ABCA12: variants seen among roughly 807,000 people sequenced by gnomAD.
ABCA12 encodes the protein glucosylceramide transporter ABCA12.
A neutral mutation model predicts 293.5 loss-of-function variants in ABCA12; 156 were observed. The observed-to-expected ratio is 0.53, with a 90% CI of 0.47 to 0.61. The LOEUF (loss-of-function observed/expected upper bound fraction) is 0.61, where lower values mean the gene tolerates loss of function less well. ABCA12 is among the 20% of genes least tolerant of loss of function. ABCA12 has a pLI of 0.00. For synonymous variants in ABCA12, 1,063 were observed against 1,108.0 expected, an observed-to-expected ratio of 0.96 and a Z score of 0.81; for missense variants, 2,797 against 3,090.2, an observed-to-expected ratio of 0.91 and a Z score of 2.25.
rs78763770 is a variant in ABCA12, at chr2:215,079,497, G to A, written c.164-15278C>T. 4.7e-3 allele frequency among the ~76,000 whole-genome samples: 713 copies of A among 152,304 alleles called. 5 individuals carry two copies. The highest frequency in any genetic ancestry group is 0.017 in the Middle Eastern group (5 of 294). On this transcript the variant is annotated intron_variant, in intron 2 of 52. Transcript: ENST00000272895. ...ATCTGAAAGCTTGAACTGATCTCCA[G>A]TTTTCAAACATCAGAACTGGTATAA...
At chr2:214,981,769 T>G (rs1699662477) in intron 30 of ABCA12, among the ~76,000 whole-genome samples, 1 of 140,658 alleles carries the variant, frequency 7.1e-6, no homozygotes, top group Admixed American at 7.2e-5. Flanking sequence ...TGGTTTTTTT[T>G]TTTTTTTTTT....
rs751873540 is a variant in ABCA12 at position 214,974,792 on chromosome 2, C to T, written c.5454G>A (p.Leu1818=). 1 of 1,614,020 alleles carries T rather than the reference C, an allele frequency of 6.2e-7. No individual in the cohort carries two copies. The highest frequency in any genetic ancestry group is 8.5e-7 in the Non-Finnish European group (1 of 1,179,936). The change falls in exon 35 of 53, where the codon CTG becomes CTA. Residue 1818 remains leucine (L), a synonymous_variant. Transcript: ENST00000272895. Reference sequence around the variant, plus strand: ...GAACCACTTACAGATCACTGGTGTTCAGACACATGTTGTCAATTCCAGGGA... The same window carrying T: ...GAACCACTTACAGATCACTGGTGTTTAGACACATGTTGTCAATTCCAGGGA... ...WDFPGIDNMC[L]NTSDLQCLNK... is the part of the protein sequence containing the mutation.
At chr2:215,050,930 C>T (rs1357884237) in intron 5 of ABCA12, 1 of 494,204 alleles carries the variant, frequency 2.0e-6, no homozygotes, top group African/African-American at 2.1e-5. Context: ...GCTCCAACTA[C>T]TCTAAAAATA....
chr2:214,999,147 A>T (rs1205760056), intron 22 of ABCA12, among the ~76,000 whole-genome samples: 1 of 152,072 alleles, frequency 6.6e-6, no homozygotes, highest in Non-Finnish European at 1.5e-5. Context: ...GGGAAACTGT[A>T]TGGCATGGGG....
chr2:215,015,780 TCAAA>T (rs1700481136), intron 14 of ABCA12, 117 bp from the exon 15 acceptor site: 1 of 870,022 alleles, frequency 1.1e-6, no homozygotes, highest in Non-Finnish European at 1.8e-6. Flanking sequence ...TCCTCAAGAA[TCAAA>T]CAACTTTTCA....
rs755714306 is a variant in ABCA12 at position 214,987,627 on chromosome 2, T to C, written c.3976+20A>G. Reference sequence around the variant, plus strand: ...TCATTTCTCTCATAACAAAGCACGCTGTTGACCGACTTGTCTTACTGGCAG... The same window carrying C: ...TCATTTCTCTCATAACAAAGCACGCCGTTGACCGACTTGTCTTACTGGCAG... On this transcript the variant is annotated intron_variant, in intron 27 of 52. Transcript: ENST00000272895. 2 of 1,607,134 alleles carry C rather than the reference T, an allele frequency of 1.2e-6. No homozygotes were observed.
At chr2:215,134,517 T>TATATATACGTATATATGTACATATATGC (rs1182077617) in intron 1 of ABCA12, among the ~76,000 whole-genome samples, 32 of 104,550 alleles carry the variant, frequency 3.1e-4, no homozygotes, top group Non-Finnish European at 1.2e-4. Flanking sequence ...TATGTATATG[T>TATATATACGTATATATGTACATATATGC]GTATATATAC....
intron 49 of ABCA12, 53 bp from the exon 50 acceptor site, chr2:214,943,070 TGAA>T: frequency 1.5e-6 from 2 of 1,365,274 alleles, no homozygotes; most frequent in Non-Finnish European, 2.1e-6. Context: ...AAACTTGGGT[TGAA>T]GTTCATGAGC....
intron 2 of ABCA12, among the ~76,000 whole-genome samples, chr2:215,073,780 G>A (rs932501329): frequency 3.3e-5 from 5 of 152,174 alleles, no homozygotes; most frequent in Non-Finnish European, 5.9e-5. Flanking sequence ...CACAAAGCCT[G>A]CACTGAGAGA....
At chr2:214,976,895 T>C (rs1481922568) in intron 33 of ABCA12, among the ~76,000 whole-genome samples, 2 of 152,170 alleles carry the variant, frequency 1.3e-5, no homozygotes, top group Admixed American at 1.3e-4. Context: ...TCCGAAAGCC[T>C]GCCACCACGC....
Position 215,015,384 on chromosome 2 carries a change from C to A in ABCA12, c.1956+106G>T, listed in dbSNP as rs6753310. ...AACATAATGCAATAATTCCAAAAGC[C>A]GAATAAATGGATCTCATCCCTCATA... On this transcript the variant is annotated intron_variant, in intron 15 of 52. Coordinates refer to ENST00000272895, the MANE Select transcript of ABCA12 (RefSeq NM_173076.3). The A allele has an allele frequency of 1.8e-3, 2,081 of 1,165,000 alleles. 28 individuals are homozygous for A. In the African/African-American group the frequency reaches 0.029, roughly 16 times the overall value. The allele number at this position is 1,165,000 out of a possible 1,614,324, so 72.2% of individuals were successfully genotyped here.
intron 20 of ABCA12, 38 bp from the exon 21 acceptor site, chr2:215,001,775 G>A (rs1184415555): frequency 6.3e-7 from 1 of 1,583,792 alleles, no homozygotes; most frequent in Non-Finnish European, 8.6e-7. Flanking sequence ...AAAAAATTAT[G>A]GTCCTGATTC....
At chr2:214,949,405 G>C (rs908813414) in intron 45 of ABCA12, among the ~76,000 whole-genome samples, 8 of 138,066 alleles carry the variant, frequency 5.8e-5, no homozygotes, top group African/African-American at 2.5e-4. Flanking sequence ...CACACACACA[G>C]GACCTATTTT....
At chr2:214,941,886 C>T (rs1698416881) in intron 50 of ABCA12, among the ~76,000 whole-genome samples, 2 of 152,010 alleles carry the variant, frequency 1.3e-5, no homozygotes, top group African/African-American at 4.8e-5. Flanking sequence ...ATACAGCACA[C>T]TGATGGGTCT....
chr2:215,034,040 C>T (rs1044241132), intron 8 of ABCA12, among the ~76,000 whole-genome samples: 10 of 152,030 alleles, frequency 6.6e-5, no homozygotes, highest in Admixed American at 2.6e-4. Flanking sequence ...GCATAGATAA[C>T]CTCTTTTTAT....
At position 214,955,330 on chromosome 2, in the gene ABCA12, C is replaced by T. The variant is rs762513280; in HGVS notation, c.6265G>A (p.Ala2089Thr). The change falls in exon 43 of 53, where the codon GCT becomes ACT. Residue 2089 changes from alanine (A) to threonine (T), a missense_variant. Physicochemically the swap from Ala to Thr is moderately conservative, Grantham distance 58. Transcript: ENST00000272895. The stretch of plus-strand genomic sequence containing the variant: ...ATTCCTGTTTCATGGAAGAGCCCAG[C>T]CAGCAAGTACATCCAGGAAAATGTT... The part of the protein sequence containing the change: ...YATFSWMYLL[A>T]GLFHETGMAF... The T allele has an allele frequency of 6.2e-6, 10 of 1,614,108 alleles. No homozygotes were observed. In the South Asian group the frequency reaches 1.1e-4, roughly 18 times the overall value.
intron 2 of ABCA12, among the ~76,000 whole-genome samples, chr2:215,075,186 G>C (rs1023098125): frequency 5.3e-5 from 8 of 152,056 alleles, no homozygotes; most frequent in African/African-American, 1.9e-4. Context: ...CAGGCAAAGA[G>C]GGGGGAAAAT....
intron 31 of ABCA12, among the ~76,000 whole-genome samples, chr2:214,980,004 A>C (rs1241720718): frequency 1.3e-5 from 2 of 152,226 alleles, no homozygotes; most frequent in Admixed American, 1.3e-4. Flanking sequence ...CAGTCCCTGC[A>C]CTGCCACTTG....
chr2:215,025,641 T>C (rs749003922), intron 11 of ABCA12, 32 bp downstream of exon 11: 1 of 1,457,052 alleles, frequency 6.9e-7, no homozygotes. Context: ...TTTTTTTTTG[T>C]TTTTTGTTTT....
Sources: gnomAD v4.1 joint callset for allele counts (sites outside exome capture counted in the v4.1 genomes callset) on GRCh38, gnomAD v4.1.1 for gene constraint, MANE v1.5 for transcripts, NCBI Gene and HGNC (gene_info 2026-07-23, HGNC 2026-07-21) for gene names.